PPP2R3A: variants seen among roughly 807,000 people sequenced by gnomAD.
PPP2R3A encodes serine/threonine-protein phosphatase 2A regulatory subunit B'' subunit alpha.
PPP2R3A carries 80 observed loss-of-function variants against 106.9 expected under a neutral mutation model. That is an observed-to-expected ratio of 0.75 (90% CI 0.62 to 0.90). The LOEUF is 0.90. Among genes scored for constraint, PPP2R3A ranks in the 40% least tolerant of loss-of-function variants. The pLI is 0.00. For missense variants in PPP2R3A, 1,386 were observed against 1,350.4 expected (o/e 1.03, Z -0.41); for synonymous variants, 483 against 468.3 (o/e 1.03, Z -0.41).
intron 5 of PPP2R3A, among the ~76,000 whole-genome samples, chr3:136,058,563 A>AAATT (rs1332519599): frequency 2.0e-5 from 3 of 152,238 alleles, no homozygotes; most frequent in African/African-American, 7.2e-5. Flanking sequence ...AGCAAGAATT[A>AAATT]ATATCACTAA....
intron 13 of PPP2R3A, among the ~76,000 whole-genome samples, chr3:136,130,670 A>G (rs1367947944): frequency 6.6e-6 from 1 of 152,222 alleles, no homozygotes; most frequent in East Asian, 1.9e-4. Flanking sequence ...TTTAAAATTC[A>G]TATGGAACCA....
intron 3 of PPP2R3A, among the ~76,000 whole-genome samples, chr3:136,031,763 G>T (rs1358476237): frequency 6.6e-6 from 1 of 152,050 alleles, no homozygotes; most frequent in African/African-American, 2.4e-5. Context: ...AAAAGAGTAT[G>T]CTTTCCCTGC....
rs1206335696 is a variant in PPP2R3A, at chr3:136,030,778, A to ATATATATATATATATATATATATATATG, written c.2262+3683_2262+3684insATATATATATATATATATATATATGTAT. On this transcript the variant is annotated intron_variant, in intron 3 of 13. Transcript: ENST00000264977. ...TTCCATCACATATATATATATATAT[A>ATATATATATATATATATATATATATATG]TATGTATGTATGTATGTATGTATGT... Among the ~76,000 whole-genome samples, 44 of 111,260 alleles carry ATATATATATATATATATATATATATATG rather than the reference A, an allele frequency of 4.0e-4. 1 individual carries two copies. The highest frequency in any genetic ancestry group is 6.3e-4 in the Non-Finnish European group (32 of 51,168). The allele number at this position is 111,260 out of a possible 152,430, so 73.0% of individuals were successfully genotyped here. A position where few individuals can be genotyped will look rare whatever the true frequency, so the allele number is the denominator to read the frequency against.
chr3:136,030,167 A>G (rs1407534958), intron 3 of PPP2R3A, among the ~76,000 whole-genome samples: 8 of 152,046 alleles, frequency 5.3e-5, no homozygotes, highest in African/African-American at 1.9e-4. Context: ...ACAGTGAGCC[A>G]TGATCATACC....
rs1229128134 is a variant in PPP2R3A, at chr3:136,122,263, G to A, written c.3329+15941G>A. Among the ~76,000 whole-genome samples the A allele has an allele frequency of 2.6e-5, 4 of 152,252 alleles. No homozygotes were observed. The East Asian group carries it at 7.7e-4, about 29-fold the overall frequency. ...TTGAGCCCAGAAGTTTAACGTTATG[G>A]TGAACTATGATCACACCACTGCACT... On this transcript the variant is annotated intron_variant, in intron 13 of 13. Coordinates refer to ENST00000264977, the MANE Select transcript of PPP2R3A (RefSeq NM_002718.5).
At chr3:136,043,837 T>G (rs1393941772) in intron 4 of PPP2R3A, among the ~76,000 whole-genome samples, 1 of 152,252 alleles carries the variant, frequency 6.6e-6, no homozygotes, top group Non-Finnish European at 1.5e-5. Flanking sequence ...TTAGAATAGC[T>G]ATGCTTACCT....
Position 136,111,957 on chromosome 3 carries a change from G to A in PPP2R3A, c.3329+5635G>A, listed in dbSNP as rs137989582. Among the ~76,000 whole-genome samples the A allele has an allele frequency of 1.3e-3, 200 of 152,240 alleles. 1 individual carries two copies. Among genetic ancestry groups the A allele is most frequent in the African/African-American group, 4.7e-3 (195 of 41,534 alleles). On this transcript the variant is annotated intron_variant, in intron 13 of 13. Transcript: ENST00000264977. ...AAGCTAATCCACCACAATCATGTAG[G>A]CTTTATTCCTGGGATACGAGGTTGG...
intron 1 of PPP2R3A, among the ~76,000 whole-genome samples, chr3:135,987,573 T>C (rs1466975637): frequency 6.6e-6 from 1 of 152,120 alleles, no homozygotes; most frequent in South Asian, 2.1e-4. Context: ...GAAAAGATAG[T>C]CTAGAACTGT....
At chr3:136,138,695 A>ATTTTTTTTTTTTTTTTTTTTTTTTTTTTT (rs747811648) in intron 13 of PPP2R3A, among the ~76,000 whole-genome samples, 10 of 50,636 alleles carry the variant, frequency 2.0e-4, no homozygotes, top group Admixed American at 3.8e-4. Flanking sequence ...GAAATATTGA[A>ATTTTTTTTTTTTTTTTTTTTTTTTTTTTT]TTTTTTTTTT....
chr3:136,129,344 G>A (rs183419940), intron 13 of PPP2R3A, among the ~76,000 whole-genome samples: 131 of 152,176 alleles, frequency 8.6e-4, no homozygotes, highest in East Asian at 3.9e-4. Context: ...TATCACCACC[G>A]ATCCCACAGA....
intron 1 of PPP2R3A, among the ~76,000 whole-genome samples, chr3:135,987,501 C>T (rs1481733832): frequency 6.6e-6 from 1 of 152,068 alleles, no homozygotes; most frequent in Non-Finnish European, 1.5e-5. Context: ...GACAGTAACC[C>T]ATTGCTCTGG....
At chr3:135,966,107 T>G (rs1471091082) in intron 1 of PPP2R3A, among the ~76,000 whole-genome samples, 1 of 151,250 alleles carries the variant, frequency 6.6e-6, no homozygotes, top group African/African-American at 2.4e-5. Flanking sequence ...CAGGGAGGTG[T>G]GGAAATTGCC....
intron 8 of PPP2R3A, among the ~76,000 whole-genome samples, chr3:136,084,920 G>A (rs920034518): frequency 6.6e-6 from 1 of 152,222 alleles, no homozygotes; most frequent in Admixed American, 6.5e-5. Flanking sequence ...TATCTAGGAA[G>A]TAACTAACTT....
At chr3:135,978,482 A>AT (rs368778585) in intron 1 of PPP2R3A, among the ~76,000 whole-genome samples, 37,940 of 147,292 alleles carry the variant, frequency 0.26, 5,359 homozygotes, top group Non-Finnish European at 0.32. Context: ...GGACAACTGG[A>AT]TTTTTTTTTT....
At chr3:136,051,854 G>A (rs1935698432) in intron 5 of PPP2R3A, among the ~76,000 whole-genome samples, 1 of 152,140 alleles carries the variant, frequency 6.6e-6, no homozygotes, top group Non-Finnish European at 1.5e-5. Context: ...ATAGTACATA[G>A]ACTTTTAATT....
At chr3:136,056,570 C>A (rs1273715581) in intron 5 of PPP2R3A, among the ~76,000 whole-genome samples, 2 of 151,750 alleles carry the variant, frequency 1.3e-5, no homozygotes, top group Non-Finnish European at 2.9e-5. Context: ...TTATCTTACA[C>A]CGTATATAAA....
intron 1 of PPP2R3A, among the ~76,000 whole-genome samples, chr3:135,977,725 A>G (rs1012480114): frequency 1.9e-5 from 2 of 108,024 alleles, no homozygotes; most frequent in African/African-American, 7.6e-5. Context: ...TTGAGATAAG[A>G]GTCTCACTGT....
intron 13 of PPP2R3A, among the ~76,000 whole-genome samples, chr3:136,126,598 A>G (rs542484186): frequency 4.7e-4 from 71 of 152,214 alleles, no homozygotes; most frequent in Non-Finnish European, 9.1e-4. Flanking sequence ...ACTTCTGCAG[A>G]CTTAAACGTC....
rs1933764576 is a variant in PPP2R3A, at chr3:136,004,254, C to T, written c.1995+761C>T. Among the ~76,000 whole-genome samples, 4 of 152,314 alleles carry T rather than the reference C, an allele frequency of 2.6e-5. 1 individual carries two copies. The South Asian group carries it at 6.2e-4, about 24-fold the overall frequency. On this transcript the variant is annotated intron_variant, in intron 2 of 13. Coordinates refer to ENST00000264977, the MANE Select transcript of PPP2R3A (RefSeq NM_002718.5). ...GTTGTCTTCCCATTTTATTTACATA[C>T]GTGTGTCGTAGCACAACAAGATTAT...
Sources: allele counts gnomAD v4.1 joint callset (sites outside exome capture counted in the v4.1 genomes callset), GRCh38; gene constraint gnomAD v4.1.1; transcripts MANE v1.5; gene names NCBI Gene and HGNC (gene_info 2026-07-23, HGNC 2026-07-21).